Variants in PROM1 observed in about 807,000 individuals in gnomAD.
PROM1 encodes prominin-1.
A neutral mutation model predicts 116.9 loss-of-function variants in PROM1; 105 were observed. The observed-to-expected ratio is 0.90, with a 90% confidence interval of 0.77 to 1.06. The LOEUF (loss-of-function observed/expected upper bound fraction) is 1.06. Among genes scored for constraint, PROM1 ranks in the 50% least tolerant of loss-of-function variants. The probability of loss-of-function intolerance (pLI) is 0.00; values close to 1 mark genes in which losing one functional copy is unlikely to be tolerated. For synonymous variants in PROM1, 393 were observed against 387.0 expected (o/e 1.02, Z -0.18); for missense variants, 1,122 against 1,045.2 (o/e 1.07, Z -1.01).
At chr4:15,995,644 C>G (rs1478672183) in intron 15 of PROM1, among the ~76,000 whole-genome samples, 1 of 152,056 alleles carries the variant, frequency 6.6e-6, no homozygotes, top group Non-Finnish European at 1.5e-5. Context: ...GCCTACTGCC[C>G]CTACCTCCCT....
intron 14 of PROM1, among the ~76,000 whole-genome samples, 162 bp from the exon 15 acceptor site, chr4:15,998,650 G>A (rs1019788930): frequency 6.6e-6 from 1 of 151,906 alleles, no homozygotes; most frequent in Non-Finnish European, 1.5e-5. Context: ...AGTATAATTG[G>A]AATAAATCAA....
chr4:16,018,795 A>T (rs956064823), intron 8 of PROM1, among the ~76,000 whole-genome samples: 1 of 152,346 alleles, frequency 6.6e-6, no homozygotes, highest in Admixed American at 6.5e-5. Flanking sequence ...ACCCAGGAGC[A>T]TGATGGGGAC....
intron 2 of PROM1, among the ~76,000 whole-genome samples, chr4:16,059,141 G>A (rs1231791361): frequency 6.6e-6 from 1 of 152,086 alleles, no homozygotes; most frequent in Non-Finnish European, 1.5e-5. Context: ...AATGTATTAT[G>A]TAATAGCCTA....
chr4:16,019,353 A>G (rs1028377188), intron 8 of PROM1, among the ~76,000 whole-genome samples: 9 of 152,248 alleles, frequency 5.9e-5, no homozygotes, highest in African/African-American at 2.2e-4. Context: ...GGCTAGTGAT[A>G]TGTGGTAGGG....
At chr4:16,000,442 G>A in intron 14 of PROM1, 54 bp downstream of exon 14, 4 of 1,463,720 alleles carry the variant, frequency 2.7e-6, no homozygotes, top group Non-Finnish European at 3.7e-6. Context: ...AATATATGAA[G>A]AAATCCAAGT....
In PROM1 at chr4:16,024,286, T is replaced by C. The variant is rs1435789059; in HGVS notation, c.694+9A>G. On this transcript the variant is annotated intron_variant, in intron 7 of 27. Coordinates refer to ENST00000447510, the MANE Select transcript of PROM1 (RefSeq NM_006017.3). ...AAAAAAATGTGAAGCAACTTTAAAT[T>C]TTACTCACTGTTCAGATCTGTGAAC... 6.2e-7 allele frequency: 1 copy of C among 1,610,492 alleles called. No individual in the cohort carries two copies. The highest frequency in any genetic ancestry group is 8.5e-7 in the Non-Finnish European group (1 of 1,177,104).
rs1745528397 is a variant in PROM1, at chr4:16,083,993, G to A, written c.-228C>T. On this transcript the variant is annotated 5_prime_UTR_variant, in exon 1 of 28. Coordinates refer to ENST00000447510, the MANE Select transcript of PROM1 (RefSeq NM_006017.3). ...ACATACTCACCGCGGCGGGAGAGCTGAGAGCATGGCCAGGTGCCGCGTGGG... is the reference window on the plus strand; with the variant it reads ...ACATACTCACCGCGGCGGGAGAGCTAAGAGCATGGCCAGGTGCCGCGTGGG... 6.6e-6 allele frequency: 1 copy of A among 152,336 alleles called. No individual in the cohort carries two copies. Among genetic ancestry groups the A allele is most frequent in the Admixed American group, 6.5e-5 (1 of 15,290 alleles). 9.4% of individuals were successfully genotyped at this position (152,336 alleles called of 1,614,324 possible). A position where few individuals can be genotyped will look rare whatever the true frequency, so the allele number is the denominator to read the frequency against.
At chr4:15,991,119 T>C in intron 18 of PROM1, 103 bp downstream of exon 18, 1 of 861,976 alleles carries the variant, frequency 1.2e-6, no homozygotes. Context: ...GAACAAGGGA[T>C]TACTCACAGT....
At position 15,991,332 on chromosome 4, in the gene PROM1, GAT is replaced by G. The variant is rs772405447; in HGVS notation, c.1912-41_1912-40del. On this transcript the variant is annotated intron_variant, in intron 17 of 27. Transcript: ENST00000447510. The stretch of plus-strand genomic sequence containing the variant: ...GAAAAAAATTGTCTTATGGATATGG[GAT>G]CTTTAAGCCTTAACACAACATCTAG... 5.6e-6 allele frequency: 8 copies of G among 1,419,210 alleles called. No homozygotes were observed. In the African/African-American group the frequency reaches 1.0e-4, roughly 18 times the overall value. The allele number at this position is 1,419,210 out of a possible 1,614,324, so 87.9% of individuals were successfully genotyped here.
At chr4:16,078,688 GA>G (rs1744445065) in intron 1 of PROM1, among the ~76,000 whole-genome samples, 1 of 152,210 alleles carries the variant, frequency 6.6e-6, no homozygotes, top group Admixed American at 6.5e-5. Flanking sequence ...GTAAGAAAGG[GA>G]AGGGGGATGA....
chr4:15,998,231 T>G (rs1722813402), intron 15 of PROM1, among the ~76,000 whole-genome samples, 154 bp downstream of exon 15: 1 of 152,256 alleles, frequency 6.6e-6, no homozygotes, highest in African/African-American at 2.4e-5. Context: ...ATTTTTGATC[T>G]AATTTCTACT....
At chr4:15,979,771 G>A (rs1056390096) in intron 25 of PROM1, 110 bp downstream of exon 25, 6 of 1,106,344 alleles carry the variant, frequency 5.4e-6, no homozygotes, top group Non-Finnish European at 7.9e-6. Flanking sequence ...CAGATCTGCT[G>A]TTTCTACATA....
rs560992224 is a variant in PROM1, at chr4:16,077,569, C to T, written c.-212-1451G>A. The stretch of plus-strand genomic sequence containing the variant: ...CTTTGTCTCTGTGTCTTTTTCTTTT[C>T]CAAGTCTCTCGTTCCACCTAACGAG... On this transcript the variant is annotated intron_variant, in intron 1 of 27. Coordinates refer to ENST00000447510, the MANE Select transcript of PROM1 (RefSeq NM_006017.3). 5.3e-5 allele frequency among the ~76,000 whole-genome samples: 8 copies of T among 152,224 alleles called. No individual in the cohort carries two copies. In the South Asian group the frequency reaches 1.5e-3, roughly 28 times the overall value.
chr4:16,073,543 C>T (rs545488318), intron 2 of PROM1, among the ~76,000 whole-genome samples: 1 of 152,220 alleles, frequency 6.6e-6, no homozygotes, highest in African/African-American at 2.4e-5. Flanking sequence ...TGGAAGAAAA[C>T]CAACACCCCA....
intron 1 of PROM1, among the ~76,000 whole-genome samples, chr4:16,081,941 A>G (rs980868631): frequency 6.6e-6 from 1 of 151,922 alleles, no homozygotes; most frequent in African/African-American, 2.4e-5. Flanking sequence ...ACTAAAGGGC[A>G]CTGCTGAATA....
At chr4:16,045,806 T>C (rs112293651) in intron 2 of PROM1, among the ~76,000 whole-genome samples, 2 of 152,106 alleles carry the variant, frequency 1.3e-5, no homozygotes, top group African/African-American at 4.8e-5. Flanking sequence ...CTTGCACTCA[T>C]AAAAATCATG....
intron 5 of PROM1, among the ~76,000 whole-genome samples, chr4:16,025,721 A>ACG (rs370544880): frequency 1.6e-5 from 1 of 62,098 alleles, no homozygotes; most frequent in Non-Finnish European, 2.7e-5. Context: ...ACACACACGC[A>ACG]CACACACACA....
Position 16,076,127 on chromosome 4 carries a change from G to C in PROM1, c.-212-9C>G, listed in dbSNP as rs1743901329. 5.6e-6 allele frequency: 5 copies of C among 896,848 alleles called. No homozygotes were observed. In the East Asian group the frequency reaches 1.4e-4, roughly 25 times the overall value. 55.6% of individuals were successfully genotyped at this position (896,848 alleles called of 1,614,324 possible). ...CACTCAAGGCACCATCCCTGGCAGG[G>C]AGAGAAACAGCAGCAGAGTCATCAA... On this transcript the variant is annotated splice_polypyrimidine_tract_variant and intron_variant, in intron 1 of 27. Transcript: ENST00000447510.
intron 26 of PROM1, among the ~76,000 whole-genome samples, chr4:15,978,760 A>C (rs899048035): frequency 2.6e-5 from 4 of 152,130 alleles, no homozygotes; most frequent in African/African-American, 9.7e-5. Flanking sequence ...CTATGTCTCC[A>C]CCTCTTATAA....
Sources: allele counts gnomAD v4.1 joint callset (sites outside exome capture counted in the v4.1 genomes callset), GRCh38; gene constraint gnomAD v4.1.1; transcripts MANE v1.5; gene names NCBI Gene and HGNC (gene_info 2026-07-23, HGNC 2026-07-21).